EPSTI1: variants seen among roughly 807,000 people sequenced by gnomAD.
The protein encoded by EPSTI1 is epithelial stromal interaction 1.
EPSTI1 carries 66 observed loss-of-function variants against 49.9 expected under a neutral mutation model. The ratio of observed to expected loss-of-function variants is 1.32; its 90% confidence interval spans 1.08 to 1.62. The LOEUF is 1.62. Among genes scored for constraint, EPSTI1 ranks in the 40% most tolerant of loss-of-function variants. The probability of loss-of-function intolerance (pLI) is 0.00; values close to 1 mark genes in which losing one functional copy is unlikely to be tolerated. For missense variants in EPSTI1, 394 were observed against 365.5 expected (o/e 1.08, Z -0.64); for synonymous variants, 137 against 130.7 (o/e 1.05, Z -0.33).
At chr13:42,903,714 A>G (rs1052052904) in intron 8 of EPSTI1, among the ~76,000 whole-genome samples, 1 of 152,232 alleles carries the variant, frequency 6.6e-6, no homozygotes, top group African/African-American at 2.4e-5. Flanking sequence ...TGTAAGAAAG[A>G]TCAAAACTAG....
intron 10 of EPSTI1, among the ~76,000 whole-genome samples, chr13:42,892,757 TAAGA>T (rs1327833447): frequency 3.3e-5 from 5 of 152,176 alleles, no homozygotes; most frequent in Non-Finnish European, 7.4e-5. Flanking sequence ...TCTAATTTCA[TAAGA>T]AAGAATGTAT....
chr13:42,964,347 A>G (rs2039546293), intron 3 of EPSTI1, among the ~76,000 whole-genome samples: 1 of 149,598 alleles, frequency 6.7e-6, no homozygotes, highest in Non-Finnish European at 1.5e-5. Flanking sequence ...AGAGGAGACC[A>G]TATTTTTAAA....
chr13:42,969,598 C>T (rs1240206753), intron 2 of EPSTI1: 1 of 192,266 alleles, frequency 5.2e-6, no homozygotes. Flanking sequence ...TGCCCATACT[C>T]GCTTTATCTT....
At chr13:42,940,655 G>C (rs765965748) in intron 6 of EPSTI1, among the ~76,000 whole-genome samples, 5 of 152,140 alleles carry the variant, frequency 3.3e-5, no homozygotes, top group Non-Finnish European at 7.4e-5. Flanking sequence ...ACTCACTGCA[G>C]CCTCTAACTC....
chr13:42,966,014 A>C (rs2039604758), intron 3 of EPSTI1, among the ~76,000 whole-genome samples: 1 of 34,868 alleles, frequency 2.9e-5, no homozygotes. Flanking sequence ...CCAGCCCCTA[A>C]CCGCGAGTGA....
chr13:42,918,369 G>A (rs1465978100), intron 7 of EPSTI1, among the ~76,000 whole-genome samples: 2 of 152,104 alleles, frequency 1.3e-5, no homozygotes, highest in African/African-American at 4.8e-5. Flanking sequence ...TTGATTTGCA[G>A]CCCCAGCTTC....
At chr13:42,919,491 C>T (rs2037933214) in intron 7 of EPSTI1, among the ~76,000 whole-genome samples, 1 of 152,184 alleles carries the variant, frequency 6.6e-6, no homozygotes, top group African/African-American at 2.4e-5. Context: ...CCAAAATACA[C>T]CTTTATTTAT....
chr13:42,936,490 A>G (rs1218194201), intron 6 of EPSTI1, among the ~76,000 whole-genome samples: 1 of 152,166 alleles, frequency 6.6e-6, no homozygotes, highest in Non-Finnish European at 1.5e-5. Context: ...GGAATTGACT[A>G]ATTTCTCCTT....
At chr13:42,928,150 A>G (rs1338997753) in intron 6 of EPSTI1, among the ~76,000 whole-genome samples, 4 of 152,198 alleles carry the variant, frequency 2.6e-5, no homozygotes, top group African/African-American at 9.6e-5. Flanking sequence ...GGGTCACAGG[A>G]CTGCCAGAGG....
At chr13:42,950,870 G>A (rs557602665) in intron 6 of EPSTI1, among the ~76,000 whole-genome samples, 1 of 152,316 alleles carries the variant, frequency 6.6e-6, no homozygotes, top group Non-Finnish European at 1.5e-5. Context: ...AAAATCCAAA[G>A]AGGTGGCTGG....
chr13:42,918,095 A>G (rs1182742986), intron 7 of EPSTI1, among the ~76,000 whole-genome samples: 3 of 152,182 alleles, frequency 2.0e-5, no homozygotes, highest in Non-Finnish European at 4.4e-5. Flanking sequence ...GATACCATAT[A>G]ATTTCAAGGA....
At chr13:42,923,039 C>T (rs1211528612) in intron 7 of EPSTI1, among the ~76,000 whole-genome samples, 2 of 152,162 alleles carry the variant, frequency 1.3e-5, no homozygotes, top group African/African-American at 4.8e-5. Context: ...AAGATTTAGA[C>T]TCGAGGCCAG....
At chr13:42,932,414 C>T (rs936739873) in intron 6 of EPSTI1, among the ~76,000 whole-genome samples, 1 of 152,160 alleles carries the variant, frequency 6.6e-6, no homozygotes, top group African/African-American at 2.4e-5. Flanking sequence ...TCCAGTCTCA[C>T]CTATCACTCA....
intron 9 of EPSTI1, among the ~76,000 whole-genome samples, chr13:42,898,164 CT>C (rs2037250574): frequency 6.6e-6 from 1 of 152,174 alleles, no homozygotes; most frequent in African/African-American, 2.4e-5. Flanking sequence ...TCAGTGCTTT[CT>C]ATTATAATAC....
intron 5 of EPSTI1, among the ~76,000 whole-genome samples, chr13:42,958,301 A>G (rs1261085025): frequency 3.3e-5 from 5 of 152,156 alleles, no homozygotes; most frequent in African/African-American, 1.2e-4. Context: ...GACATTTGGG[A>G]ACCAAATATG....
At chr13:42,982,053 G>A (rs149336100) in intron 1 of EPSTI1, among the ~76,000 whole-genome samples, 52 of 152,302 alleles carry the variant, frequency 3.4e-4, no homozygotes, top group Admixed American at 9.2e-4. Context: ...TTGAATAGGG[G>A]CTGGGTAAAA....
At chr13:42,970,551 A>G in intron 2 of EPSTI1, 61 bp downstream of exon 2, 4 of 1,457,648 alleles carry the variant, frequency 2.7e-6, no homozygotes, top group Non-Finnish European at 3.7e-6. Flanking sequence ...CTTCACACCA[A>G]AACAAACCAA....
chr13:42,928,411 T>C (rs542044362), intron 6 of EPSTI1, among the ~76,000 whole-genome samples: 1 of 152,294 alleles, frequency 6.6e-6, no homozygotes, highest in East Asian at 1.9e-4. Flanking sequence ...GAAGTCCAAC[T>C]GGACTAAGAA....
rs148554663 is a variant in EPSTI1 at position 42,886,388 on chromosome 13, T to A, written c.*2106A>T. 3.7e-4 allele frequency: 56 copies of A among 152,294 alleles called. No homozygotes were observed. Among genetic ancestry groups the A allele is most frequent in the African/African-American group, 1.3e-3 (52 of 41,548 alleles). 9.4% of individuals were successfully genotyped at this position (152,294 alleles called of 1,614,324 possible). A position where few individuals can be genotyped will look rare whatever the true frequency, so the allele number is the denominator to read the frequency against. ...GAAGAAACCACAAAGGAAAAAGTGG[T>A]AAATCCAAATACAAAAGTGTTTAGA... On this transcript the variant is annotated 3_prime_UTR_variant, in exon 11 of 11. Coordinates refer to ENST00000313624, the MANE Select transcript of EPSTI1 (RefSeq NM_033255.5).
Sources: gnomAD v4.1 joint callset for allele counts (sites outside exome capture counted in the v4.1 genomes callset) on GRCh38, gnomAD v4.1.1 for gene constraint, MANE v1.5 for transcripts, NCBI Gene and HGNC (gene_info 2026-07-23, HGNC 2026-07-21) for gene names.